Variants in ZFAT observed in about 807,000 individuals in gnomAD.
The protein encoded by ZFAT is zinc finger and AT-hook domain containing.
ZFAT carries 64 observed loss-of-function variants against 117.7 expected under a neutral mutation model. That is an observed-to-expected ratio of 0.54 (90% CI 0.44 to 0.67). ZFAT has a LOEUF of 0.67. Ranked by LOEUF, ZFAT falls within the 30% of genes least tolerant of loss-of-function variation. The pLI is 0.00. For missense variants in ZFAT, 1,433 were observed against 1,584.5 expected, an observed-to-expected ratio of 0.90 and a Z score of 1.62; for synonymous variants, 679 against 615.0, an observed-to-expected ratio of 1.10 and a Z score of -1.54.
rs201874142 is a variant in ZFAT, at chr8:134,591,147, T to G, written c.2476-792A>C. On this transcript the variant is annotated intron_variant, in intron 7 of 15. Transcript: ENST00000377838. ...ATCCGCCAGCACTCAACGCAGGGAT[T>G]GCATGGCAAGTGATTTTATTGAGAC... is the stretch of plus-strand genomic sequence containing the variant. 1.1e-4 allele frequency among the ~76,000 whole-genome samples: 16 copies of G among 152,338 alleles called. No individual in the cohort carries two copies. The East Asian group carries it at 3.1e-3, about 29-fold the overall frequency.
intron 1 of ZFAT, among the ~76,000 whole-genome samples, chr8:134,667,969 A>G (rs28800849): frequency 2.6e-5 from 4 of 152,242 alleles, no homozygotes; most frequent in African/African-American, 7.2e-5. Flanking sequence ...TATCCCGCGC[A>G]TGGCTCCGTG....
At chr8:134,568,448 G>A (rs1824637429) in intron 10 of ZFAT, among the ~76,000 whole-genome samples, 2 of 152,210 alleles carry the variant, frequency 1.3e-5, no homozygotes, top group African/African-American at 4.8e-5. Flanking sequence ...TGGGCAGCCT[G>A]GGCAAAACTG....
intron 11 of ZFAT, among the ~76,000 whole-genome samples, chr8:134,547,712 A>G (rs1332591849): frequency 6.6e-6 from 1 of 152,236 alleles, no homozygotes; most frequent in African/African-American, 2.4e-5. Context: ...ACATAAGAAA[A>G]CAATACACTT....
In ZFAT at chr8:134,524,192, A is replaced by T. The variant is rs538859926; in HGVS notation, c.3116-3191T>A. On this transcript the variant is annotated intron_variant, in intron 12 of 15. Transcript: ENST00000377838. ...TCTGTACACATCTGTCCCCTCACCA[A>T]ATAAGTGTGTTCAGTGTTATCCGAG... 1.8e-3 allele frequency among the ~76,000 whole-genome samples: 269 copies of T among 152,058 alleles called. 4 individuals are homozygous for T. The highest frequency in any genetic ancestry group is 1.8e-4 in the Non-Finnish European group (12 of 68,000).
the ZFAT span, among the ~76,000 whole-genome samples, chr8:134,832,190 C>T: frequency 1.7e-4 from 26 of 151,390 alleles, no homozygotes; most frequent in African/African-American, 5.8e-4. Flanking sequence ...GGCGTCCGCA[C>T]TGAGAAAGCA....
At chr8:134,484,121 G>C (rs1817503055) in intron 15 of ZFAT, among the ~76,000 whole-genome samples, 1 of 152,166 alleles carries the variant, frequency 6.6e-6, no homozygotes, top group Non-Finnish European at 1.5e-5. Flanking sequence ...TAAGGAAGGT[G>C]GGTCCTGCAT....
intron 10 of ZFAT, among the ~76,000 whole-genome samples, chr8:134,582,963 A>G (rs1825810870): frequency 6.6e-6 from 1 of 152,244 alleles, no homozygotes; most frequent in Admixed American, 6.5e-5. Context: ...TACATGAAGT[A>G]TTTACAAGTC....
chr8:134,737,924 G>C, the ZFAT span, among the ~76,000 whole-genome samples: 3 of 152,138 alleles, frequency 2.0e-5, no homozygotes, highest in East Asian at 1.9e-4. Context: ...TTAAGAGAGA[G>C]ACAAAAAGAC....
chr8:134,543,259 TC>T (rs1822419919), intron 11 of ZFAT, among the ~76,000 whole-genome samples: 1 of 148,192 alleles, frequency 6.7e-6, no homozygotes, highest in Admixed American at 6.8e-5. Context: ...TGCCCACACC[TC>T]TCTGTGATAG....
At chr8:134,565,453 G>T (rs188375435) in intron 10 of ZFAT, 32 bp from the exon 11 acceptor site, 10 of 1,602,022 alleles carry the variant, frequency 6.2e-6, no homozygotes, top group Non-Finnish European at 8.5e-6. Flanking sequence ...GATGAGCGTC[G>T]CCAGGCCAAC....
intron 15 of ZFAT, among the ~76,000 whole-genome samples, chr8:134,506,316 G>T (rs1207298884): frequency 1.3e-5 from 2 of 152,166 alleles, no homozygotes; most frequent in Non-Finnish European, 2.9e-5. Flanking sequence ...GGGCCCTTCT[G>T]CCAGGCTGGA....
the ZFAT span, among the ~76,000 whole-genome samples, chr8:134,744,819 T>A: frequency 7.6e-6 from 1 of 131,806 alleles, no homozygotes; most frequent in Non-Finnish European, 1.5e-5. Flanking sequence ...AACTTCCACC[T>A]CCTGGGTTCA....
the ZFAT span, among the ~76,000 whole-genome samples, chr8:134,727,141 A>C: frequency 0.03 from 4,602 of 152,238 alleles, 172 homozygotes; most frequent in African/African-American, 0.087. Flanking sequence ...GGAGAAAAAA[A>C]AAAACAAAAC....
At chr8:134,617,824 G>A (rs908855051) in intron 3 of ZFAT, among the ~76,000 whole-genome samples, 4 of 152,186 alleles carry the variant, frequency 2.6e-5, no homozygotes, top group East Asian at 3.8e-4. Context: ...AGTCTCGACC[G>A]TGATTACTGA....
At chr8:134,499,391 A>C (rs1239658331) in intron 15 of ZFAT, among the ~76,000 whole-genome samples, 1 of 147,554 alleles carries the variant, frequency 6.8e-6, no homozygotes, top group African/African-American at 2.5e-5. Context: ...GTTGTGGTGG[A>C]GCTGGGATGC....
At chr8:134,520,370 T>C (rs966335633) in intron 13 of ZFAT, among the ~76,000 whole-genome samples, 2 of 152,088 alleles carry the variant, frequency 1.3e-5, no homozygotes, top group Non-Finnish European at 2.9e-5. Flanking sequence ...ACCTAGTATC[T>C]GAAAAGAGAG....
intron 7 of ZFAT, among the ~76,000 whole-genome samples, chr8:134,593,494 C>G (rs1586772498): frequency 6.6e-6 from 1 of 152,172 alleles, no homozygotes; most frequent in Non-Finnish European, 1.5e-5. Context: ...GATGGAGAGT[C>G]TGAGAGACCC....
chr8:134,549,310 A>G (rs1822952696), intron 11 of ZFAT, among the ~76,000 whole-genome samples: 1 of 152,224 alleles, frequency 6.6e-6, no homozygotes, highest in East Asian at 1.9e-4. Flanking sequence ...GCGTGGGGGC[A>G]GGCACCTGTA....
chr8:134,800,691 C>A, the ZFAT span: 1 of 380,182 alleles, frequency 2.6e-6, no homozygotes, highest in Middle Eastern at 6.5e-4. Flanking sequence ...GCACAGCATT[C>A]ACATAAATGA....
Sources: gnomAD v4.1 joint callset for allele counts (sites outside exome capture counted in the v4.1 genomes callset) on GRCh38, gnomAD v4.1.1 for gene constraint, MANE v1.5 for transcripts, NCBI Gene and HGNC (gene_info 2026-07-23, HGNC 2026-07-21) for gene names.